The following MLLT6 variants were observed in gnomAD, a reference collection of about 807,000 sequenced individuals.
MLLT6 encodes MLLT6, PHD finger containing.
MLLT6 carries 22 observed loss-of-function variants against 103.0 expected under a neutral mutation model. That is an observed-to-expected ratio of 0.21 (90% CI 0.15 to 0.31). The LOEUF (loss-of-function observed/expected upper bound fraction) is 0.31. Ranked by LOEUF, MLLT6 falls within the 10% of genes least tolerant of loss-of-function variation. The pLI, the probability that MLLT6 is intolerant of heterozygous loss-of-function variation, is 1.00. For missense variants in MLLT6, 1,199 were observed against 1,441.7 expected, an observed-to-expected ratio of 0.83 and a Z score of 2.73; for synonymous variants, 606 against 623.5, an observed-to-expected ratio of 0.97 and a Z score of 0.42.
chr17:38,713,101 C>T (rs1488634970), intron 8 of MLLT6: 3 of 738,750 alleles, frequency 4.1e-6, no homozygotes, highest in East Asian at 2.5e-5. Flanking sequence ...GGCCTGCTCT[C>T]CAAGTTCTAG....
At chr17:38,721,819 C>T (rs954096586) in intron 16 of MLLT6, 59 bp from the exon 17 acceptor site, 19 of 1,220,308 alleles carry the variant, frequency 1.6e-5, no homozygotes, top group Admixed American at 2.3e-5. Flanking sequence ...GGGTGCTGGG[C>T]CAGGGGCCAG....
chr17:38,712,069 A>C, intron 7 of MLLT6, 55 bp downstream of exon 7: 3 of 1,475,330 alleles, frequency 2.0e-6, no homozygotes, highest in Non-Finnish European at 2.7e-6. Flanking sequence ...GGAGACTCAC[A>C]AACATGGCTC....
At position 38,720,729 on chromosome 17, in the gene MLLT6, G is replaced by T. The variant is rs757732208; in HGVS notation, c.2424G>T (p.Ser808=). ...AGAGCAGCCTCGGCCTGGACAACTC[G>T]CTGTCCACTTCTTCTGAGGTGGGCG... ...PGKSSLGLDN[S]LSTSSEDPHS... The change falls in exon 16 of 20, where the codon TCG becomes TCT. Residue 808 remains serine, a synonymous_variant. Coordinates refer to ENST00000621332, the MANE Select transcript of MLLT6 (RefSeq NM_005937.4). 1.2e-6 allele frequency: 2 copies of T among 1,613,816 alleles called. No homozygotes were observed. The highest frequency in any genetic ancestry group is 3.3e-5 in the Admixed American group (2 of 60,024).
chr17:38,707,353 C>T, intron 2 of MLLT6, 133 bp from the exon 3 acceptor site: 1 of 771,442 alleles, frequency 1.3e-6, no homozygotes, highest in Non-Finnish European at 2.2e-6. Flanking sequence ...CAACTCATGG[C>T]CAATCCTGTT....
intron 16 of MLLT6, 112 bp from the exon 17 acceptor site, chr17:38,721,766 T>TG: frequency 1.5e-6 from 1 of 661,984 alleles, no homozygotes; most frequent in Non-Finnish European, 2.4e-6. Context: ...CCAGGGTGCC[T>TG]GGGGGTGAAG....
At chr17:38,719,961 G>A (rs1394139974) in intron 14 of MLLT6, 66 bp downstream of exon 14, 2 of 1,487,324 alleles carry the variant, frequency 1.3e-6, no homozygotes, top group South Asian at 1.3e-5. Flanking sequence ...TTCTCCCCGA[G>A]GTCCCCAAGC....
At chr17:38,725,127 C>G in intron 19 of MLLT6, 151 bp downstream of exon 19, 1 of 608,094 alleles carries the variant, frequency 1.6e-6, no homozygotes, top group Non-Finnish European at 2.9e-6. Context: ...AGGGCCTCTG[C>G]TTGCACATGG....
chr17:38,707,068 C>T, intron 2 of MLLT6, 39 bp downstream of exon 2: 1 of 1,552,172 alleles, frequency 6.4e-7, no homozygotes, highest in Non-Finnish European at 8.8e-7. Flanking sequence ...CCCTGCCCCT[C>T]CCACACACCT....
intron 6 of MLLT6, among the ~76,000 whole-genome samples, chr17:38,710,322 T>C (rs1242592824): frequency 6.6e-6 from 1 of 152,054 alleles, no homozygotes; most frequent in African/African-American, 2.4e-5. Flanking sequence ...TGTCTGTGTT[T>C]GTGGAGAGAC....
Position 38,705,439 on chromosome 17 carries a change from A to G in MLLT6, c.-194A>G, listed in dbSNP as rs1017480885. On this transcript the variant is annotated 5_prime_UTR_variant, in exon 1 of 20. Coordinates refer to ENST00000621332, the MANE Select transcript of MLLT6 (RefSeq NM_005937.4). Reference sequence around the variant, plus strand: ...AGCACGGCGGGGGGGGCGGCCAGACAGAGCGAGCGAGGAGGAGGAGGAGGA... The same window carrying G: ...AGCACGGCGGGGGGGGCGGCCAGACGGAGCGAGCGAGGAGGAGGAGGAGGA... 17 of 378,734 alleles carry G rather than the reference A, an allele frequency of 4.5e-5. No individual in the cohort carries two copies. Among genetic ancestry groups the G allele is most frequent in the African/African-American group, 3.6e-4 (16 of 44,434 alleles). The allele number at this position is 378,734 out of a possible 1,614,324, so 23.5% of individuals were successfully genotyped here.
Position 38,712,027 on chromosome 17 carries a change from C to T in MLLT6, c.720+13C>T, listed in dbSNP as rs749558148. On this transcript the variant is annotated intron_variant, in intron 7 of 19. Transcript: ENST00000621332. The stretch of plus-strand genomic sequence containing the variant: ...GGGCCAGAAGAAGGTAGAAGTCCTC[C>T]CCCACCTGCCATCACTCCCACACGG... 1.9e-5 allele frequency: 29 copies of T among 1,536,194 alleles called. No homozygotes were observed. Among genetic ancestry groups the T allele is most frequent in the Middle Eastern group, 1.8e-4 (1 of 5,698 alleles).
At position 38,719,923 on chromosome 17, in the gene MLLT6, G is replaced by A. The variant is rs377543120; in HGVS notation, c.2155+28G>A. ...GAGGAGGGGTGGCGCCGGTCGGGAC[G>A]CCTGCCCTAGGGCCCTAACAGTCAC... On this transcript the variant is annotated intron_variant, in intron 14 of 19. Coordinates refer to ENST00000621332, the MANE Select transcript of MLLT6 (RefSeq NM_005937.4). 2.6e-4 allele frequency: 397 copies of A among 1,545,434 alleles called. 1 individual carries two copies. Among genetic ancestry groups the A allele is most frequent in the South Asian group, 2.1e-3 (174 of 83,408 alleles).
chr17:38,719,465 C>T (rs1905548910), intron 12 of MLLT6, 52 bp from the exon 13 acceptor site: 2 of 1,501,076 alleles, frequency 1.3e-6, no homozygotes, highest in Non-Finnish European at 1.8e-6. Context: ...GGCGGGGACC[C>T]TGAGGCAGCT....
chr17:38,708,617 C>T (rs1487149630), intron 4 of MLLT6, among the ~76,000 whole-genome samples: 2 of 152,202 alleles, frequency 1.3e-5, no homozygotes, highest in Non-Finnish European at 2.9e-5. Context: ...TAAAAGCAGG[C>T]TGGGTGTGGT....
At position 38,725,162 on chromosome 17, in the gene MLLT6, G is replaced by T. The variant is rs1905958104; in HGVS notation, c.3240+186G>T. On this transcript the variant is annotated intron_variant, in intron 19 of 19. Coordinates refer to ENST00000621332, the MANE Select transcript of MLLT6 (RefSeq NM_005937.4). ...GGTGCCCTCCTGCACGGCCAAGAAAGATCCGATCTGAGCATGGGCTCAGAG... is the reference window on the plus strand; with the variant it reads ...GGTGCCCTCCTGCACGGCCAAGAAATATCCGATCTGAGCATGGGCTCAGAG... The T allele has an allele frequency of 1.1e-5, 6 of 564,260 alleles. No homozygotes were observed. The South Asian group carries it at 1.4e-4, about 14-fold the overall frequency. The allele number at this position is 564,260 out of a possible 1,614,324, so 35.0% of individuals were successfully genotyped here.
At position 38,720,367 on chromosome 17, in the gene MLLT6, C is replaced by A; in HGVS notation, c.2156-5C>A. 1.3e-6 allele frequency: 2 copies of A among 1,586,642 alleles called. No homozygotes were observed. The highest frequency in any genetic ancestry group is 2.7e-5 in the African/African-American group (2 of 74,316). On this transcript the variant is annotated splice_polypyrimidine_tract_variant and splice_region_variant and intron_variant, in intron 14 of 19. Transcript: ENST00000621332. Reference sequence around the variant, plus strand: ...CCTCCCTCAGGTTCCTCGCTCTCTCCGCAGTCGTGGAGATGCTGAAGGCGC... The same window carrying A: ...CCTCCCTCAGGTTCCTCGCTCTCTCAGCAGTCGTGGAGATGCTGAAGGCGC...
intron 19 of MLLT6, 129 bp from the exon 20 acceptor site, chr17:38,725,428 A>G (rs564947747): frequency 4.8e-6 from 4 of 829,194 alleles, no homozygotes; most frequent in South Asian, 3.4e-5. Context: ...CTCAGAGCCC[A>G]GGCCAGAGGC....
rs1469874477 is a variant in MLLT6, at chr17:38,709,441, A to G, written c.459-41A>G. ...GGGTGAGAGGAAGGTGGCTCATGTG[A>G]TCTGTGGCCTCAGCCGTCTCAGGCT... is the stretch of plus-strand genomic sequence containing the variant. On this transcript the variant is annotated intron_variant, in intron 5 of 19. Transcript: ENST00000621332. The surrounding 1 kb of genome is among the most constrained non-coding windows in gnomAD (Gnocchi z 4.3). 1.3e-6 allele frequency: 2 copies of G among 1,563,896 alleles called. No homozygotes were observed. Among genetic ancestry groups the G allele is most frequent in the South Asian group, 2.2e-5 (2 of 90,090 alleles).
At position 38,716,492 on chromosome 17, in the gene MLLT6, C is replaced by T. The variant is rs767245517; in HGVS notation, c.1162C>T (p.Pro388Ser). 6 of 1,614,148 alleles carry T rather than the reference C, an allele frequency of 3.7e-6. No homozygotes were observed. In the East Asian group the frequency reaches 6.7e-5, roughly 18 times the overall value. The change falls in exon 10 of 20, where the codon CCC (proline) becomes TCC (serine). Residue 388 changes from proline (P) to serine (S), a missense_variant. By Grantham distance (74) the Pro-to-Ser change is moderately conservative. Transcript: ENST00000621332. The surrounding 1 kb of genome is among the most constrained non-coding windows in gnomAD (Gnocchi z 5.6). The stretch of plus-strand genomic sequence containing the variant: ...CCCTCCTTCTCCCTCAGCTCCCGAG[C>T]CCCCCAAGGCTGACCTTTTTGAGCA... ...SAPPSPSAPEPPKADLFEQKV... is the reference protein window; with the variant it reads ...SAPPSPSAPESPKADLFEQKV...
Sources: gnomAD v4.1 joint callset for allele counts (sites outside exome capture counted in the v4.1 genomes callset) on GRCh38, gnomAD v4.1.1 for gene constraint, Gnocchi (gnomAD v3.1) non-coding constraint, MANE v1.5 for transcripts, NCBI Gene and HGNC (gene_info 2026-07-23, HGNC 2026-07-21) for gene names.